The following ITIH5 variants were observed in gnomAD, a reference collection of about 807,000 sequenced individuals.
ITIH5 encodes the protein inter-alpha-trypsin inhibitor heavy chain 5.
In ITIH5, 65 loss-of-function variants were observed where a neutral mutation model predicts 77.5. The observed-to-expected ratio is 0.84, with a 90% CI of 0.69 to 1.03. The LOEUF is 1.03. Among genes scored for constraint, ITIH5 ranks in the 50% least tolerant of loss-of-function variants. The pLI is 0.00. For synonymous variants in ITIH5, 525 were observed against 494.3 expected, an observed-to-expected ratio of 1.06 and a Z score of -0.82; for missense variants, 1,208 against 1,213.1, an observed-to-expected ratio of 1.00 and a Z score of 0.06.
At chr10:7,567,704 G>C (rs994693686) in intron 12 of ITIH5, among the ~76,000 whole-genome samples, 2 of 152,112 alleles carry the variant, frequency 1.3e-5, no homozygotes, top group African/African-American at 2.4e-5. Flanking sequence ...AAAAACTCAA[G>C]TTCTTCCACT....
Position 7,655,673 on chromosome 10 carries a change from A to G in ITIH5, c.93T>C (p.Asp31=), listed in dbSNP as rs373629101. Residue 31 remains aspartate (D), a splice_region_variant and synonymous_variant, in exon 2 of 14, where the codon GAT becomes GAC. Coordinates refer to ENST00000397146, the MANE Select transcript of ITIH5 (RefSeq NM_030569.7). ...TGACTTGCCTCGGGACCCTGAGTCCATCCTAGAAAAGAGAAGAGACTGTTA... is the reference window on the plus strand; with the variant it reads ...TGACTTGCCTCGGGACCCTGAGTCCGTCCTAGAAAAGAGAAGAGACTGTTA... The part of the protein sequence containing the change: ...AQSWGHSSEQ[D]GLRVPRQVRL... 15 of 1,611,006 alleles carry G rather than the reference A, an allele frequency of 9.3e-6. No individual in the cohort carries two copies. The highest frequency in any genetic ancestry group is 1.2e-5 in the Non-Finnish European group (14 of 1,177,420).
At chr10:7,644,780 ACATATATATCATATATAT>A (rs1235919541) in intron 2 of ITIH5, among the ~76,000 whole-genome samples, 4 of 139,562 alleles carry the variant, frequency 2.9e-5, no homozygotes, top group South Asian at 2.2e-4. Flanking sequence ...CATATATATC[ACATATATATCATATATAT>A]CATATATATC....
intron 7 of ITIH5, among the ~76,000 whole-genome samples, chr10:7,612,662 T>TG (rs896054917): frequency 2.6e-5 from 4 of 151,940 alleles, no homozygotes; most frequent in African/African-American, 7.3e-5. Context: ...AGCTGTGTTT[T>TG]TTTTTTTTTT....
chr10:7,580,637 G>A lies in ITIH5; in HGVS notation c.1109-573C>T, dbSNP rs1007803470. Among the ~76,000 whole-genome samples the A allele has an allele frequency of 1.7e-4, 26 of 152,204 alleles. No homozygotes were observed. The East Asian group carries it at 4.4e-3, about 26-fold the overall frequency. On this transcript the variant is annotated intron_variant, in intron 8 of 13. Transcript: ENST00000397146. ...CAATGGCTTCTGTGCCCTCTTCTGA[G>A]AATGGCTTTGAAAAGAGCAGGAAGG...
chr10:7,659,450 T>C (rs1037885053), intron 1 of ITIH5, among the ~76,000 whole-genome samples: 9 of 152,030 alleles, frequency 5.9e-5, no homozygotes, highest in Non-Finnish European at 1.0e-4. Context: ...CACAAGAGAC[T>C]GTGAAAGGAA....
At chr10:7,612,163 C>T (rs1833259334) in intron 7 of ITIH5, among the ~76,000 whole-genome samples, 1 of 152,126 alleles carries the variant, frequency 6.6e-6, no homozygotes, top group African/African-American at 2.4e-5. Context: ...TACATGAAGA[C>T]AGTCATCCCG....
At chr10:7,572,679 C>T (rs1009419548) in intron 11 of ITIH5, 4 of 267,244 alleles carry the variant, frequency 1.5e-5, no homozygotes, top group Non-Finnish European at 2.9e-5. Flanking sequence ...ATAACAGCTG[C>T]ACTTCTCAGG....
At chr10:7,625,443 A>G (rs894869112) in intron 5 of ITIH5, among the ~76,000 whole-genome samples, 4 of 152,180 alleles carry the variant, frequency 2.6e-5, no homozygotes, top group Admixed American at 2.0e-4. Flanking sequence ...ACCAATGTGA[A>G]TAGACTTAAC....
chr10:7,626,476 A>G (rs539726087), intron 5 of ITIH5, among the ~76,000 whole-genome samples: 3 of 152,246 alleles, frequency 2.0e-5, no homozygotes, highest in Non-Finnish European at 2.9e-5. Context: ...AAACCTTCAC[A>G]TAACAACCAG....
chr10:7,560,504 C>T lies in ITIH5; in HGVS notation c.*2579G>A, dbSNP rs1030021092. 2.0e-5 allele frequency: 3 copies of T among 152,120 alleles called. No individual in the cohort carries two copies. Among genetic ancestry groups the T allele is most frequent in the African/African-American group, 7.3e-5 (3 of 41,370 alleles). 9.4% of individuals were successfully genotyped at this position (152,120 alleles called of 1,614,324 possible). A position where few individuals can be genotyped will look rare whatever the true frequency, so the allele number is the denominator to read the frequency against. On this transcript the variant is annotated 3_prime_UTR_variant, in exon 14 of 14. Coordinates refer to ENST00000397146, the MANE Select transcript of ITIH5 (RefSeq NM_030569.7). The stretch of plus-strand genomic sequence containing the variant: ...TTGTGATGGTTTCTCCTCCCAACAT[C>T]CCCTCCCTTTAGCCTGAAGTTGTAA...
At chr10:7,595,377 C>T (rs1016624981) in intron 7 of ITIH5, among the ~76,000 whole-genome samples, 22 of 152,076 alleles carry the variant, frequency 1.4e-4, no homozygotes, top group African/African-American at 5.1e-4. Context: ...GAAGACATAC[C>T]TTGGCCTGGA....
At position 7,563,100 on chromosome 10, in the gene ITIH5, T is replaced by A. The variant is rs149848698; in HGVS notation, c.2812A>T (p.Met938Leu). The A allele has an allele frequency of 4.0e-5, 64 of 1,610,644 alleles. No individual in the cohort carries two copies. In the African/African-American group the frequency reaches 7.9e-4, roughly 20 times the overall value. The stretch of plus-strand genomic sequence containing the variant: ...TGCCAGCTTCAGAGCTCCCTGGACA[T>A]TCCCCGGCCAAGTGTCATCCCTGTG... ...FDTGMTLGRG[M>L]SREL The change falls in exon 14 of 14, where the codon ATG (methionine) becomes TTG (leucine). Residue 938 changes from methionine to leucine, a missense_variant. Coordinates refer to ENST00000397146, the MANE Select transcript of ITIH5 (RefSeq NM_030569.7).
At chr10:7,579,273 C>T (rs1832488376) in intron 9 of ITIH5, among the ~76,000 whole-genome samples, 1 of 152,226 alleles carries the variant, frequency 6.6e-6, no homozygotes, top group Non-Finnish European at 1.5e-5. Context: ...CGCCCATAAT[C>T]CCAGTACTTT....
At chr10:7,630,260 T>C (rs973948406) in intron 5 of ITIH5, among the ~76,000 whole-genome samples, 7 of 152,248 alleles carry the variant, frequency 4.6e-5, no homozygotes, top group African/African-American at 1.7e-4. Context: ...TGTAAGTGTT[T>C]GTTGAAGGAA....
chr10:7,614,885 A>G (rs1472963779), intron 7 of ITIH5, among the ~76,000 whole-genome samples: 1 of 152,230 alleles, frequency 6.6e-6, no homozygotes, highest in East Asian at 1.9e-4. Flanking sequence ...CAGGTTGGAC[A>G]GAGAGTTTCT....
Position 7,624,807 on chromosome 10 carries a change from A to ACACATATATATGTGTATATACACG in ITIH5, c.653-7526_653-7525insCGTGTATATACACATATATATGTG, listed in dbSNP as rs1833535138. Among the ~76,000 whole-genome samples, 3 of 29,224 alleles carry ACACATATATATGTGTATATACACG rather than the reference A, an allele frequency of 1.0e-4. No individual in the cohort carries two copies. The Admixed American group carries it at 1.5e-3, about 14-fold the overall frequency. 19.2% of individuals were successfully genotyped at this position (29,224 alleles called of 152,430 possible). A position where few individuals can be genotyped will look rare whatever the true frequency, so the allele number is the denominator to read the frequency against. ...CCTAAAAAAAAAAAAAAATATATAT[A>ACACATATATATGTGTATATACACG]TATATACACATATATATGTGTATAT... On this transcript the variant is annotated intron_variant, in intron 5 of 13. Coordinates refer to ENST00000397146, the MANE Select transcript of ITIH5 (RefSeq NM_030569.7).
At chr10:7,617,005 T>A in intron 6 of ITIH5, 108 bp downstream of exon 6, 1 of 689,406 alleles carries the variant, frequency 1.5e-6, no homozygotes, top group Admixed American at 3.1e-5. Flanking sequence ...ACAAATTTAC[T>A]AAGAAGCAGA....
chr10:7,576,889 A>G lies in ITIH5; in HGVS notation c.1542T>C (p.Ile514=). 1 of 1,613,996 alleles carries G rather than the reference A, an allele frequency of 6.2e-7. No individual in the cohort carries two copies. The highest frequency in any genetic ancestry group is 8.5e-7 in the Non-Finnish European group (1 of 1,179,996). The change falls in exon 10 of 14, where the codon ATT becomes ATC. Residue 514 remains isoleucine, a synonymous_variant. Coordinates refer to ENST00000397146, the MANE Select transcript of ITIH5 (RefSeq NM_030569.7). ...PNYFNGSEII[I]AGKLVDRKLD... is the part of the protein sequence containing the mutation. ...GCTTCCTGTCCACCAGCTTCCCCGC[A>G]ATGATGATCTCCGAGCCGTTGAAGT... is the stretch of plus-strand genomic sequence containing the variant.
intron 5 of ITIH5, chr10:7,620,560 CAT>C (rs1382680898): frequency 6.6e-6 from 1 of 152,182 alleles, no homozygotes; most frequent in Admixed American, 6.5e-5. Context: ...AAGCTGTACA[CAT>C]GACATTTGTA....
Sources: gnomAD v4.1 joint callset for allele counts (sites outside exome capture counted in the v4.1 genomes callset) on GRCh38, gnomAD v4.1.1 for gene constraint, MANE v1.5 for transcripts, NCBI Gene and HGNC (gene_info 2026-07-23, HGNC 2026-07-21) for gene names.